Variants in GALK2 observed in about 807,000 individuals in gnomAD.
GALK2 encodes the protein galactokinase 2, also known as N-acetylgalactosamine kinase.
GALK2 carries 36 observed loss-of-function variants against 52.4 expected under a neutral mutation model. The ratio of observed to expected loss-of-function variants is 0.69; its 90% CI spans 0.53 to 0.91. The LOEUF is 0.91. Ranked by LOEUF, GALK2 falls within the 40% of genes least tolerant of loss-of-function variation. GALK2 has a pLI of 0.00. For synonymous variants in GALK2, 176 were observed against 199.1 expected (o/e 0.88, Z 0.98); for missense variants, 579 against 559.1 (o/e 1.04, Z -0.36).
At chr15:49,155,839 G>A (rs2084430490) in exon 1 of GALK2, 5 of 826,690 alleles carry the variant, frequency 6.0e-6, no homozygotes, top group Non-Finnish European at 9.7e-6. Context: ...GCAGGTCTCA[G>A]CCGAAGGGCG....
At chr15:49,217,401 G>T in intron 3 of GALK2, 88 bp downstream of exon 3, 1 of 1,256,234 alleles carries the variant, frequency 8.0e-7, no homozygotes, top group Non-Finnish European at 1.1e-6. Flanking sequence ...ATTTGTAACA[G>T]GTCATTTAAC....
At chr15:49,333,890 A>G (rs1567089114), downstream of GALK2, among the ~76,000 whole-genome samples, 1 of 152,214 alleles carries the variant, frequency 6.6e-6, no homozygotes, top group Non-Finnish European at 1.5e-5. Context: ...TTATATGCAT[A>G]GAGGAAGAAG....
intron 9 of GALK2, 33 bp from the exon 10 acceptor site, chr15:49,327,919 T>C (rs1387243396): frequency 1.3e-6 from 2 of 1,582,682 alleles, no homozygotes; most frequent in Non-Finnish European, 8.6e-7. Flanking sequence ...TTTTCATTTA[T>C]AGGTTCTAAT....
chr15:49,305,153 A>G (rs1217028788), intron 8 of GALK2, among the ~76,000 whole-genome samples: 1 of 152,180 alleles, frequency 6.6e-6, no homozygotes, highest in Non-Finnish European at 1.5e-5. Context: ...CTACTGTGCC[A>G]TTTGTTTCCA....
In GALK2 at chr15:49,228,687, A is replaced by ATTT. The variant is rs1174406561; in HGVS notation, c.267-7142_267-7140dup. On this transcript the variant is annotated intron_variant, in intron 3 of 9. Transcript: ENST00000560031. Reference sequence around the variant, plus strand: ...TATATATATATATATATATATATATATTTTTTTTTTTTTTTTTTTTTTTTG... The same window carrying ATTT: ...TATATATATATATATATATATATATATTTTTTTTTTTTTTTTTTTTTTTTTTTG... 7.7e-4 allele frequency among the ~76,000 whole-genome samples: 11 copies of ATTT among 14,274 alleles called. 3 individuals carry two copies. Among genetic ancestry groups the ATTT allele is most frequent in the Non-Finnish European group, 8.2e-4 (7 of 8,566 alleles). 9.4% of individuals were successfully genotyped at this position (14,274 alleles called of 152,430 possible). A position where few individuals can be genotyped will look rare whatever the true frequency, so the allele number is the denominator to read the frequency against.
intron 1 of GALK2, among the ~76,000 whole-genome samples, chr15:49,162,310 G>C (rs146958669): frequency 4.1e-4 from 63 of 152,314 alleles, no homozygotes; most frequent in African/African-American, 1.4e-3. Context: ...GTTGTTGCAT[G>C]TATCAGTTGG....
At chr15:49,315,276 T>C (rs2036308983) in intron 8 of GALK2, among the ~76,000 whole-genome samples, 1 of 152,352 alleles carries the variant, frequency 6.6e-6, no homozygotes, top group South Asian at 2.1e-4. Context: ...AAATTGAATT[T>C]GCCTTGGAAG....
intron 1 of GALK2, chr15:49,199,284 T>C (rs1448345443): frequency 6.6e-6 from 1 of 152,182 alleles, no homozygotes; most frequent in Non-Finnish European, 1.5e-5. Flanking sequence ...TCTTCTTTTT[T>C]CCCCCTATTA....
chr15:49,236,042 T>C, intron 4 of GALK2, 101 bp downstream of exon 4: 1 of 738,896 alleles, frequency 1.4e-6, no homozygotes, highest in Non-Finnish European at 2.3e-6. Context: ...CTTACAGTAC[T>C]AACCGATGCT....
intron 1 of GALK2, among the ~76,000 whole-genome samples, chr15:49,171,774 C>CTT (rs199923207): frequency 2.8e-4 from 37 of 131,030 alleles, no homozygotes; most frequent in Non-Finnish European, 4.3e-4. Flanking sequence ...GTAGTTTAGT[C>CTT]TTATTTTTTT....
intron 5 of GALK2, among the ~76,000 whole-genome samples, chr15:49,270,431 T>G (rs974088513): frequency 6.6e-6 from 1 of 152,192 alleles, no homozygotes; most frequent in African/African-American, 2.4e-5. Flanking sequence ...ATGGATTCTT[T>G]AGAGCACATA....
intron 7 of GALK2, among the ~76,000 whole-genome samples, chr15:49,289,695 C>T (rs574868781): frequency 9.2e-5 from 14 of 152,310 alleles, no homozygotes; most frequent in African/African-American, 3.4e-4. Context: ...CCAGACTCAC[C>T]TGCCAATATC....
chr15:49,274,060 A>G (rs1488890196), intron 5 of GALK2, among the ~76,000 whole-genome samples: 1 of 152,098 alleles, frequency 6.6e-6, no homozygotes, highest in Non-Finnish European at 1.5e-5. Flanking sequence ...TCCCTTCCCC[A>G]TTTCCTGCCA....
chr15:49,223,707 A>G (rs964114577), intron 3 of GALK2, among the ~76,000 whole-genome samples: 3 of 152,180 alleles, frequency 2.0e-5, no homozygotes, highest in African/African-American at 7.2e-5. Context: ...ATGTTGTCGC[A>G]AAGGATATGA....
At chr15:49,261,432 T>G (rs1254931964) in intron 5 of GALK2, among the ~76,000 whole-genome samples, 2 of 151,294 alleles carry the variant, frequency 1.3e-5, no homozygotes, top group East Asian at 3.9e-4. Flanking sequence ...CCTGAGACTT[T>G]GCTGAAGTTG....
rs138832071 is a variant in GALK2 at position 49,226,912 on chromosome 15, A to G, written c.267-8939A>G. Reference sequence around the variant, plus strand: ...ATCACAAGTTCCTCTTTTTATTACTATCTAATTTTAATCCATTGTATCTAA... The same window carrying G: ...ATCACAAGTTCCTCTTTTTATTACTGTCTAATTTTAATCCATTGTATCTAA... On this transcript the variant is annotated intron_variant, in intron 3 of 9. Transcript: ENST00000560031. 1.5e-3 allele frequency among the ~76,000 whole-genome samples: 224 copies of G among 152,290 alleles called. 1 individual carries two copies. Among genetic ancestry groups the G allele is most frequent in the African/African-American group, 5.0e-3 (208 of 41,558 alleles).
chr15:49,324,608 C>CTTGACTG (rs1321344888), intron 9 of GALK2, among the ~76,000 whole-genome samples: 6 of 152,174 alleles, frequency 3.9e-5, no homozygotes, highest in African/African-American at 1.2e-4. Context: ...GCTGTGGTTT[C>CTTGACTG]TTGACTGTAA....
At chr15:49,299,747 C>CTTTCTTTCTTTCTTTCTTTTTTTT (rs1567037367) in intron 8 of GALK2, among the ~76,000 whole-genome samples, 1 of 121,578 alleles carries the variant, frequency 8.2e-6, no homozygotes, top group African/African-American at 3.2e-5. Flanking sequence ...TTCTTTCTTT[C>CTTTCTTTCTTTCTTTCTTTTTTTT]TTTCTTTCTT....
At chr15:49,217,014 C>T (rs926020822) in intron 2 of GALK2, among the ~76,000 whole-genome samples, 176 bp from the exon 3 acceptor site, 3 of 152,066 alleles carry the variant, frequency 2.0e-5, no homozygotes, top group African/African-American at 7.3e-5. Context: ...GATAGTTGCT[C>T]AATTTGGTGT....
Sources: gnomAD v4.1 joint callset for allele counts (sites outside exome capture counted in the v4.1 genomes callset) on GRCh38, gnomAD v4.1.1 for gene constraint, MANE v1.5 for transcripts, NCBI Gene and HGNC (gene_info 2026-07-23, HGNC 2026-07-21) for gene names.